Variants in TLE1 observed in about 807,000 individuals in gnomAD.
TLE1 encodes the protein TLE family member 1, transcriptional corepressor.
Under a neutral mutation model 89.8 loss-of-function variants are expected in TLE1, and 21 were observed. That is an observed-to-expected ratio of 0.23 (90% CI 0.17 to 0.34). The LOEUF (loss-of-function observed/expected upper bound fraction) is 0.34. Ranked by LOEUF, TLE1 falls within the 10% of genes least tolerant of loss-of-function variation. TLE1 has a pLI of 1.00. For synonymous variants in TLE1, 447 were observed against 407.6 expected (o/e 1.10, Z -1.16); for missense variants, 795 against 1,031.2 (o/e 0.77, Z 3.14).
At chr9:81,596,685 G>A (rs1049396908) in intron 14 of TLE1, among the ~76,000 whole-genome samples, 9 of 152,256 alleles carry the variant, frequency 5.9e-5, no homozygotes, top group African/African-American at 1.9e-4. Context: ...CAAAATAATG[G>A]ACATGGAAAT....
At chr9:81,674,974 G>T (rs1293720101) in intron 4 of TLE1, among the ~76,000 whole-genome samples, 1 of 152,048 alleles carries the variant, frequency 6.6e-6, no homozygotes, top group Non-Finnish European at 1.5e-5. Context: ...GGACAACATA[G>T]TGAGACCTCA....
Position 81,593,205 on chromosome 9 carries a change from G to A in TLE1, c.1401C>T (p.Ile467=), listed in dbSNP as rs552777935. 152 of 1,614,188 alleles carry A rather than the reference G, an allele frequency of 9.4e-5. No homozygotes were observed. Among genetic ancestry groups the A allele is most frequent in the African/African-American group, 4.3e-4 (32 of 75,052 alleles). The part of the protein sequence containing the change: ...QPVPFPPDAL[I]GPGIPRHARQ... ...GAGCATGCCGGGGGATTCCGGGTCC[G>A]ATGAGGGCGTCGGGGGGAAAAGGGA... The change falls in exon 15 of 20, where the codon ATC becomes ATT. Residue 467 remains isoleucine, a synonymous_variant. Coordinates refer to ENST00000376499, the MANE Select transcript of TLE1 (RefSeq NM_005077.5).
chr9:81,646,409 A>C (rs1333519160), intron 6 of TLE1, among the ~76,000 whole-genome samples: 1 of 152,196 alleles, frequency 6.6e-6, no homozygotes, highest in Non-Finnish European at 1.5e-5. Context: ...ACTAAATACA[A>C]GTTAGTAGAG....
chr9:81,654,722 C>G (rs1195968963), intron 4 of TLE1, among the ~76,000 whole-genome samples: 1 of 152,218 alleles, frequency 6.6e-6, no homozygotes, highest in African/African-American at 2.4e-5. Flanking sequence ...TCAGAAGCCA[C>G]TGCAGCTGCA....
intron 2 of TLE1, among the ~76,000 whole-genome samples, chr9:81,686,097 C>T (rs1284248406): frequency 1.3e-5 from 2 of 152,196 alleles, no homozygotes; most frequent in African/African-American, 4.8e-5. Flanking sequence ...CATTCAGCTA[C>T]CATTCTTCTT....
chr9:81,614,400 G>A (rs778200754), intron 11 of TLE1, among the ~76,000 whole-genome samples: 1 of 152,176 alleles, frequency 6.6e-6, no homozygotes, highest in African/African-American at 2.4e-5. Context: ...CACCAGTGCA[G>A]ATCAGAGACT....
intron 6 of TLE1, among the ~76,000 whole-genome samples, chr9:81,641,459 C>T (rs1464005777): frequency 6.6e-6 from 1 of 152,236 alleles, no homozygotes; most frequent in South Asian, 2.1e-4. Context: ...CCACTAAAGG[C>T]CCCATCTCAA....
At chr9:81,642,948 G>C (rs1301204751) in intron 6 of TLE1, among the ~76,000 whole-genome samples, 1 of 152,224 alleles carries the variant, frequency 6.6e-6, no homozygotes, top group East Asian at 1.9e-4. Context: ...CAGATGTGCA[G>C]AACAGTAGGC....
intron 4 of TLE1, among the ~76,000 whole-genome samples, chr9:81,675,584 T>G (rs983040475): frequency 6.6e-6 from 1 of 152,112 alleles, no homozygotes; most frequent in South Asian, 2.1e-4. Flanking sequence ...GAACTCTCAG[T>G]GGTTACTGAC....
intron 12 of TLE1, among the ~76,000 whole-genome samples, chr9:81,612,973 G>A (rs953021465): frequency 3.9e-5 from 6 of 152,178 alleles, no homozygotes; most frequent in African/African-American, 1.2e-4. Flanking sequence ...CAAGAGAATC[G>A]CTTGAACCCA....
At chr9:81,601,797 T>G (rs147402757) in intron 14 of TLE1, among the ~76,000 whole-genome samples, 1 of 152,244 alleles carries the variant, frequency 6.6e-6, no homozygotes, top group East Asian at 1.9e-4. Context: ...TACTTAATAA[T>G]TCGAAAATGC....
chr9:81,649,921 G>A (rs1204949881), intron 6 of TLE1, among the ~76,000 whole-genome samples: 1 of 152,146 alleles, frequency 6.6e-6, no homozygotes, highest in Non-Finnish European at 1.5e-5. Context: ...TAAGGTGTGG[G>A]ATAATTATTG....
chr9:81,616,602 T>C, intron 10 of TLE1, 44 bp downstream of exon 10: 1 of 1,606,214 alleles, frequency 6.2e-7, no homozygotes, highest in Non-Finnish European at 8.5e-7. Context: ...CATAACATTA[T>C]TCAAATCATT....
At chr9:81,632,358 G>A (rs1018214579) in intron 8 of TLE1, among the ~76,000 whole-genome samples, 1 of 151,192 alleles carries the variant, frequency 6.6e-6, no homozygotes, top group Non-Finnish European at 1.5e-5. Flanking sequence ...CTGTCTCAAA[G>A]ACAATTTTAA....
At chr9:81,586,251 T>C (rs934315993) in intron 17 of TLE1, among the ~76,000 whole-genome samples, 1 of 152,112 alleles carries the variant, frequency 6.6e-6, no homozygotes, top group African/African-American at 2.4e-5. Context: ...TCTCCTGACT[T>C]TGTGATCCAC....
chr9:81,681,911 G>C (rs1273130918), intron 4 of TLE1, among the ~76,000 whole-genome samples: 4 of 152,058 alleles, frequency 2.6e-5, no homozygotes, highest in African/African-American at 9.7e-5. Context: ...GGGAGACATG[G>C]TCCACCTCAT....
chr9:81,665,218 G>A (rs758959895), intron 4 of TLE1, among the ~76,000 whole-genome samples: 2 of 152,080 alleles, frequency 1.3e-5, no homozygotes, highest in African/African-American at 4.8e-5. Flanking sequence ...GGAAAACCTC[G>A]CACAATATTC....
chr9:81,648,810 T>TA (rs1048012623), intron 6 of TLE1, among the ~76,000 whole-genome samples: 2 of 151,384 alleles, frequency 1.3e-5, no homozygotes, highest in African/African-American at 2.4e-5. Flanking sequence ...ATAGAAATTT[T>TA]AAAAAACAAA....
At chr9:81,680,694 C>T (rs766426943) in intron 4 of TLE1, among the ~76,000 whole-genome samples, 1 of 152,018 alleles carries the variant, frequency 6.6e-6, no homozygotes, top group African/African-American at 2.4e-5. Context: ...GCTCTAAATG[C>T]AGAGAGCTTT....
Sources: allele counts gnomAD v4.1 joint callset (sites outside exome capture counted in the v4.1 genomes callset), GRCh38; gene constraint gnomAD v4.1.1; transcripts MANE v1.5; gene names NCBI Gene and HGNC (gene_info 2026-07-23, HGNC 2026-07-21).